CHD6: variants seen among roughly 807,000 people sequenced by gnomAD.
CHD6 encodes ATP-dependent chromatin remodeler CHD6.
A neutral mutation model predicts 276.9 loss-of-function variants in CHD6; 50 were observed. That is an observed-to-expected ratio of 0.18 (90% confidence interval 0.14 to 0.23). The LOEUF is 0.23. Among genes scored for constraint, CHD6 ranks in the 10% least tolerant of loss-of-function variants. The pLI is 1.00. For synonymous variants in CHD6, 1,173 were observed against 1,229.3 expected (o/e 0.95, Z 0.96); for missense variants, 2,564 against 3,365.8 (o/e 0.76, Z 5.89).
chr20:41,527,875 G>A (rs2044582306), intron 3 of CHD6, among the ~76,000 whole-genome samples: 1 of 152,142 alleles, frequency 6.6e-6, no homozygotes, highest in Non-Finnish European at 1.5e-5. Flanking sequence ...TGTTATCACA[G>A]GAGTGGATTC....
At chr20:41,488,334 G>T in intron 13 of CHD6, 94 bp downstream of exon 13, 1 of 1,126,110 alleles carries the variant, frequency 8.9e-7, no homozygotes, top group Non-Finnish European at 1.3e-6. Flanking sequence ...AAACGACTAG[G>T]CAGAAATAAG....
intron 29 of CHD6, 38 bp downstream of exon 29, chr20:41,425,140 G>T: frequency 6.5e-7 from 1 of 1,547,806 alleles, no homozygotes; most frequent in Non-Finnish European, 8.9e-7. Context: ...TTTACCCAGT[G>T]GGTGGCTGAG....
In CHD6 at chr20:41,404,817, C is replaced by A. The variant is rs1485631286; in HGVS notation, c.7924G>T (p.Ala2642Ser). 1 of 1,613,854 alleles carries A rather than the reference C, an allele frequency of 6.2e-7. No homozygotes were observed. The highest frequency in any genetic ancestry group is 8.5e-7 in the Non-Finnish European group (1 of 1,179,894). The change falls in exon 37 of 37, where the codon GCC becomes TCC. Residue 2642 changes from alanine to serine, a missense_variant. Coordinates refer to ENST00000373233, the MANE Select transcript of CHD6 (RefSeq NM_032221.5). ...MGMALPAMQQ[A>S]RHSEIVGLES... Reference sequence around the variant, plus strand: ...AGACCTACTATTTCCGAGTGTCTGGCCTGCTGCATGGCTGGCAGAGCCATG... The same window carrying A: ...AGACCTACTATTTCCGAGTGTCTGGACTGCTGCATGGCTGGCAGAGCCATG...
chr20:41,515,518 T>C (rs764658643), intron 3 of CHD6, among the ~76,000 whole-genome samples: 2 of 152,170 alleles, frequency 1.3e-5, no homozygotes, highest in Non-Finnish European at 2.9e-5. Flanking sequence ...GCCAAGTCCA[T>C]CCACCCTGCA....
At chr20:41,580,381 C>G (rs2045523178) in intron 1 of CHD6, among the ~76,000 whole-genome samples, 1 of 152,082 alleles carries the variant, frequency 6.6e-6, no homozygotes, top group Non-Finnish European at 1.5e-5. Context: ...TTGCTTTACA[C>G]ATCTCTTGAT....
chr20:41,469,965 T>C (rs1248152863), intron 17 of CHD6, among the ~76,000 whole-genome samples: 10 of 152,188 alleles, frequency 6.6e-5, no homozygotes, highest in African/African-American at 2.4e-4. Context: ...GACAGGAGGA[T>C]TTGGGAAGAG....
rs1024422300 is a variant in CHD6, at chr20:41,445,528, AG to A, written c.3877+136del. The A allele has an allele frequency of 2.0e-4, 124 of 605,726 alleles. No individual in the cohort carries two copies. In the South Asian group the frequency reaches 2.1e-3, roughly 10 times the overall value. 37.5% of individuals were successfully genotyped at this position (605,726 alleles called of 1,614,324 possible). ...GGAAATTCCAAGAGGGCAGCTGTGA[AG>A]CTCTACTTTTTAAGATGAATGTGTA... On this transcript the variant is annotated intron_variant, in intron 25 of 36. Coordinates refer to ENST00000373233, the MANE Select transcript of CHD6 (RefSeq NM_032221.5).
At chr20:41,496,602 G>A (rs1017654305) in intron 8 of CHD6, among the ~76,000 whole-genome samples, 3 of 152,192 alleles carry the variant, frequency 2.0e-5, no homozygotes, top group Non-Finnish European at 4.4e-5. Flanking sequence ...ATGTTGAATA[G>A]GTCAAGACCA....
intron 1 of CHD6, among the ~76,000 whole-genome samples, chr20:41,576,326 T>A (rs1273597359): frequency 6.6e-6 from 1 of 152,244 alleles, no homozygotes; most frequent in Non-Finnish European, 1.5e-5. Context: ...CCCCACTATA[T>A]ATGTAGCGAA....
In CHD6 at chr20:41,495,628, A is replaced by G. The variant is rs550538057; in HGVS notation, c.1093-1684T>C. On this transcript the variant is annotated intron_variant, in intron 8 of 36. Transcript: ENST00000373233. ...AAGTGTTCTCACCCTTAGGGGGGAA[A>G]AAAGAAAGAAAAAAAACCCCCTACT... Among the ~76,000 whole-genome samples, 21 of 152,320 alleles carry G rather than the reference A, an allele frequency of 1.4e-4. No homozygotes were observed. The East Asian group carries it at 3.1e-3, about 22-fold the overall frequency.
chr20:41,598,535 AG>A, intron 1 of CHD6, among the ~76,000 whole-genome samples: 1 of 152,284 alleles, frequency 6.6e-6, no homozygotes, highest in East Asian at 1.9e-4. Flanking sequence ...TCCGACCAAC[AG>A]GGTATGAGCT....
At chr20:41,460,457 T>C (rs1262938253) in intron 17 of CHD6, among the ~76,000 whole-genome samples, 3 of 152,188 alleles carry the variant, frequency 2.0e-5, no homozygotes, top group Non-Finnish European at 4.4e-5. Context: ...AAAAGTGGTT[T>C]TGTGGGCTGG....
At chr20:41,422,177 C>A in intron 30 of CHD6, 98 bp from the exon 31 acceptor site, 2 of 1,275,288 alleles carry the variant, frequency 1.6e-6, no homozygotes, top group Non-Finnish European at 2.1e-6. Flanking sequence ...GTTTAGCTCC[C>A]TGGCTCCTCA....
At chr20:41,592,621 T>C (rs569863964) in intron 1 of CHD6, among the ~76,000 whole-genome samples, 13 of 152,330 alleles carry the variant, frequency 8.5e-5, no homozygotes, top group African/African-American at 2.6e-4. Context: ...CTACATTTGC[T>C]GCTGTTCAAA....
intron 2 of CHD6, among the ~76,000 whole-genome samples, chr20:41,539,614 T>C (rs2044901500): frequency 6.6e-6 from 1 of 152,220 alleles, no homozygotes; most frequent in Non-Finnish European, 1.5e-5. Context: ...GGGAGTGACC[T>C]TAAGACCAAA....
rs2047168216 is a variant in CHD6, at chr20:41,420,923, C to T, written c.5712G>A (p.Lys1904=). The stretch of plus-strand genomic sequence containing the variant: ...TGGTTTCATCTTGGAAGCCTTGGTT[C>T]TTTTCCCTTGAGATGTTAGTAGTGG... ...TEPTTNISRE[K]NQGFQDETKK... Residue 1904 remains lysine (K), a synonymous_variant, in exon 31 of 37, where the codon AAG becomes AAA. Coordinates refer to ENST00000373233, the MANE Select transcript of CHD6 (RefSeq NM_032221.5). 1 of 1,614,186 alleles carries T rather than the reference C, an allele frequency of 6.2e-7. No individual in the cohort carries two copies. Among genetic ancestry groups the T allele is most frequent in the South Asian group, 1.1e-5 (1 of 91,078 alleles).
chr20:41,457,455 C>G, intron 17 of CHD6, 27 bp from the exon 18 acceptor site: 1 of 1,597,972 alleles, frequency 6.3e-7, no homozygotes. Flanking sequence ...TCATATGCAT[C>G]ACGTCACCGT....
At chr20:41,499,446 C>A in intron 5 of CHD6, 89 bp from the exon 6 acceptor site, 1 of 1,048,362 alleles carries the variant, frequency 9.5e-7, no homozygotes, top group Non-Finnish European at 1.4e-6. Flanking sequence ...ATGGGTACTA[C>A]TTCATTCAAA....
intron 5 of CHD6, among the ~76,000 whole-genome samples, chr20:41,504,077 CAAAAAAA>C (rs1189323419): frequency 0.019 from 501 of 27,072 alleles, 9 homozygotes; most frequent in African/African-American, 0.061. Context: ...GACTCTGTCT[CAAAAAAA>C]AAAAAAAAAA....
Sources: gnomAD v4.1 joint callset for allele counts (sites outside exome capture counted in the v4.1 genomes callset) on GRCh38, gnomAD v4.1.1 for gene constraint, MANE v1.5 for transcripts, NCBI Gene and HGNC (gene_info 2026-07-23, HGNC 2026-07-21) for gene names.